MYO3A: variants seen among roughly 807,000 people sequenced by gnomAD.
MYO3A encodes the protein myosin IIIA.
MYO3A carries 180 observed loss-of-function variants against 192.7 expected under a neutral mutation model. That is an observed-to-expected ratio of 0.93 (90% CI 0.83 to 1.06). The LOEUF is 1.06. Ranked by LOEUF, MYO3A falls within the 50% of genes least tolerant of loss-of-function variation. The probability of loss-of-function intolerance (pLI) is 0.00; values close to 1 mark genes in which losing one functional copy is unlikely to be tolerated. For synonymous variants in MYO3A, 628 were observed against 645.3 expected, an observed-to-expected ratio of 0.97 and a Z score of 0.41; for missense variants, 1,896 against 1,905.0, an observed-to-expected ratio of 1.00 and a Z score of 0.09.
At chr10:26,152,684 G>A (rs890140645) in intron 23 of MYO3A, among the ~76,000 whole-genome samples, 1 of 152,324 alleles carries the variant, frequency 6.6e-6, no homozygotes, top group South Asian at 2.1e-4. Flanking sequence ...ATAAATTTAA[G>A]CGAAATTCCT....
rs148537411 is a variant in MYO3A, at chr10:26,092,961, A to G, written c.1563-3420A>G. 4.6e-5 allele frequency among the ~76,000 whole-genome samples: 7 copies of G among 152,290 alleles called. No homozygotes were observed. In the East Asian group the frequency reaches 1.3e-3, roughly 29 times the overall value. ...CTGATTGTCCGCTGAAGATCAGTAT[A>G]TTCCCAATAGTATCTCCAGATCTTT... On this transcript the variant is annotated intron_variant, in intron 15 of 34. Coordinates refer to ENST00000642920, the MANE Select transcript of MYO3A (RefSeq NM_017433.5).
At chr10:26,077,426 T>TATC (rs1412585970) in intron 14 of MYO3A, among the ~76,000 whole-genome samples, 3 of 151,744 alleles carry the variant, frequency 2.0e-5, no homozygotes, top group African/African-American at 7.2e-5. Context: ...CAAGGTAAAT[T>TATC]ATCATATCAT....
intron 10 of MYO3A, among the ~76,000 whole-genome samples, chr10:26,038,062 G>A (rs1843134944): frequency 6.6e-6 from 1 of 152,202 alleles, no homozygotes; most frequent in Admixed American, 6.5e-5. Flanking sequence ...TGGTCCATGT[G>A]TCTGTTTTTA....
At chr10:25,964,266 G>A (rs1437585820) in intron 4 of MYO3A, among the ~76,000 whole-genome samples, 4 of 152,092 alleles carry the variant, frequency 2.6e-5, no homozygotes, top group Middle Eastern at 3.4e-3. Flanking sequence ...AATACTTCTA[G>A]TTTACACATT....
intron 15 of MYO3A, among the ~76,000 whole-genome samples, chr10:26,090,269 T>C (rs1344865206): frequency 6.6e-6 from 1 of 152,212 alleles, no homozygotes; most frequent in African/African-American, 2.4e-5. Flanking sequence ...ACTCAGTTCA[T>C]ATAGAAGAGC....
chr10:26,004,985 A>G (rs916196376), intron 6 of MYO3A, among the ~76,000 whole-genome samples: 3 of 152,206 alleles, frequency 2.0e-5, no homozygotes, highest in African/African-American at 7.2e-5. Context: ...AAAAATTTCA[A>G]TGGCTGCTAA....
At chr10:25,987,667 C>A (rs975374051) in intron 4 of MYO3A, among the ~76,000 whole-genome samples, 1 of 152,100 alleles carries the variant, frequency 6.6e-6, no homozygotes, top group Non-Finnish European at 1.5e-5. Context: ...AACCACCTCA[C>A]TCCTTCAAGA....
At chr10:25,936,621 C>T (rs150746613) in intron 2 of MYO3A, among the ~76,000 whole-genome samples, 128 of 152,236 alleles carry the variant, frequency 8.4e-4, no homozygotes, top group African/African-American at 3.1e-3. Flanking sequence ...GATACACAGA[C>T]GATCCCTTAC....
intron 23 of MYO3A, among the ~76,000 whole-genome samples, chr10:26,152,139 G>A (rs1840830107): frequency 6.6e-6 from 1 of 152,156 alleles, no homozygotes; most frequent in South Asian, 2.1e-4. Flanking sequence ...TGTCTGGTTG[G>A]CCAGGGAGAA....
At chr10:26,059,161 A>C (rs1256339306) in intron 10 of MYO3A, among the ~76,000 whole-genome samples, 2 of 151,956 alleles carry the variant, frequency 1.3e-5, no homozygotes, top group Non-Finnish European at 2.9e-5. Context: ...TTTCTTCTCT[A>C]TCAGTATACC....
At chr10:26,056,638 G>A (rs1366267374) in intron 10 of MYO3A, among the ~76,000 whole-genome samples, 2 of 152,096 alleles carry the variant, frequency 1.3e-5, no homozygotes, top group Non-Finnish European at 2.9e-5. Context: ...TAGGTCAGGG[G>A]ATGGCATTAT....
At chr10:26,083,394 A>G (rs925292772) in intron 14 of MYO3A, among the ~76,000 whole-genome samples, 8 of 152,182 alleles carry the variant, frequency 5.3e-5, no homozygotes, top group Non-Finnish European at 1.0e-4. Flanking sequence ...TTTTTCATTT[A>G]ATAGTTTTAG....
chr10:26,112,174 T>C (rs939919092), intron 17 of MYO3A, among the ~76,000 whole-genome samples: 1 of 152,206 alleles, frequency 6.6e-6, no homozygotes, highest in African/African-American at 2.4e-5. Context: ...TATTCCAAAT[T>C]TAAACATATT....
At chr10:26,132,150 T>C (rs1332246646) in intron 20 of MYO3A, among the ~76,000 whole-genome samples, 1 of 152,182 alleles carries the variant, frequency 6.6e-6, no homozygotes, top group Admixed American at 6.5e-5. Context: ...ACGATAAATA[T>C]GTAGCCAAGG....
chr10:26,146,046 G>A (rs1370515897), intron 22 of MYO3A, among the ~76,000 whole-genome samples: 1 of 152,142 alleles, frequency 6.6e-6, no homozygotes, highest in African/African-American at 2.4e-5. Context: ...AGAAGAGAAG[G>A]TGCCAGGCTG....
intron 2 of MYO3A, among the ~76,000 whole-genome samples, chr10:25,946,808 G>A (rs1156437030): frequency 6.8e-6 from 1 of 146,472 alleles, no homozygotes. Context: ...AACCTGGGAG[G>A]TGGAGCTTGC....
chr10:26,162,819 C>T (rs1337219451), intron 26 of MYO3A, among the ~76,000 whole-genome samples: 1 of 152,204 alleles, frequency 6.6e-6, no homozygotes, highest in Non-Finnish European at 1.5e-5. Flanking sequence ...GAACTGCCAG[C>T]CTTGAGCCTT....
intron 34 of MYO3A, among the ~76,000 whole-genome samples, chr10:26,206,401 A>G (rs1354289672): frequency 1.3e-5 from 2 of 151,054 alleles, no homozygotes; most frequent in Non-Finnish European, 2.9e-5. Flanking sequence ...ACCTTTGGAT[A>G]TATGCCCAGA....
At chr10:25,941,139 A>T (rs1311953933) in intron 2 of MYO3A, among the ~76,000 whole-genome samples, 3 of 152,230 alleles carry the variant, frequency 2.0e-5, no homozygotes, top group Non-Finnish European at 4.4e-5. Context: ...TCTGAAAGCC[A>T]AATAGGGGAT....
Sources: allele counts gnomAD v4.1 joint callset (sites outside exome capture counted in the v4.1 genomes callset), GRCh38; gene constraint gnomAD v4.1.1; transcripts MANE v1.5; gene names NCBI Gene and HGNC (gene_info 2026-07-23, HGNC 2026-07-21).